The following CDK5RAP2 variants were observed in gnomAD, a reference collection of about 807,000 sequenced individuals.
CDK5RAP2 encodes the protein CDK5 regulatory subunit associated protein 2, also known as CDK5 regulatory subunit-associated protein 2.
In CDK5RAP2, 147 loss-of-function variants were observed where a neutral mutation model predicts 232.9. That is an observed-to-expected ratio of 0.63 (90% CI 0.55 to 0.72). CDK5RAP2 has a LOEUF of 0.72. CDK5RAP2 is among the 30% of genes least tolerant of loss of function. The pLI, the probability that CDK5RAP2 is intolerant of heterozygous loss-of-function variation, is 0.00. For missense variants in CDK5RAP2, 2,195 were observed against 2,231.5 expected, an observed-to-expected ratio of 0.98 and a Z score of 0.33; for synonymous variants, 833 against 833.7, an observed-to-expected ratio of 1.00 and a Z score of 0.01.
Position 120,407,056 on chromosome 9 carries a change from T to G in CDK5RAP2, c.4919A>C (p.Gln1640Pro). 6.2e-7 allele frequency: 1 copy of G among 1,614,148 alleles called. No individual in the cohort carries two copies. Among genetic ancestry groups the G allele is most frequent in the South Asian group, 1.1e-5 (1 of 91,088 alleles). ...AQEGALTLAV[Q>P]AVSIPEVPLQ... ...GGGCACCTCAGGGATGGACACGGCT[T>G]GGACAGCCAGAGTGAGGGCTCCTTC... The change falls in exon 32 of 38, where the codon CAA becomes CCA. Residue 1640 changes from glutamine to proline, a missense_variant. Physicochemically the swap from Gln to Pro is moderately conservative, Grantham distance 76 (BLOSUM62 -1). Coordinates refer to ENST00000349780, the MANE Select transcript of CDK5RAP2 (RefSeq NM_018249.6).
intron 12 of CDK5RAP2, among the ~76,000 whole-genome samples, chr9:120,518,204 TGTGTGTGAGAGA>T (rs1407490575): frequency 3.8e-4 from 41 of 107,346 alleles, no homozygotes; most frequent in African/African-American, 1.3e-3. Flanking sequence ...TGTGTGTGTG[TGTGTGTGAGAGA>T]GAGAGAGAGA....
chr9:120,458,871 TCTC>T (rs1357986473), intron 19 of CDK5RAP2, among the ~76,000 whole-genome samples: 1 of 152,096 alleles, frequency 6.6e-6, no homozygotes, highest in African/African-American at 2.4e-5. Context: ...TTACATCACT[TCTC>T]CTCACCCTGT....
At chr9:120,425,880 A>C (rs771562026) in intron 25 of CDK5RAP2, among the ~76,000 whole-genome samples, 1 of 152,214 alleles carries the variant, frequency 6.6e-6, no homozygotes, top group Admixed American at 6.5e-5. Context: ...AGTTCACCTG[A>C]GTGGAAAGGG....
Position 120,580,101 on chromosome 9 carries a change from TG to T in CDK5RAP2, c.-124del, listed in dbSNP as rs1487545115. On this transcript the variant is annotated 5_prime_UTR_variant, in exon 1 of 38. Coordinates refer to ENST00000349780, the MANE Select transcript of CDK5RAP2 (RefSeq NM_018249.6). ...TCCACCCCAGCTCTTGTTCAGACTCTGGCGGCGCCGCTGGAATTCAAACCAC... is the reference window on the plus strand; with the variant it reads ...TCCACCCCAGCTCTTGTTCAGACTCTGCGGCGCCGCTGGAATTCAAACCAC... The T allele has an allele frequency of 3.3e-6, 2 of 604,660 alleles. No individual in the cohort carries two copies. Among genetic ancestry groups the T allele is most frequent in the African/African-American group, 3.8e-5 (2 of 53,062 alleles). 37.5% of individuals were successfully genotyped at this position (604,660 alleles called of 1,614,324 possible).
chr9:120,561,704 A>G (rs1174460102), intron 3 of CDK5RAP2, among the ~76,000 whole-genome samples: 1 of 152,232 alleles, frequency 6.6e-6, no homozygotes, highest in African/African-American at 2.4e-5. Context: ...TCATGAATAC[A>G]CATTTTTGCA....
rs141829902 is a variant in CDK5RAP2 at position 120,519,120 on chromosome 9, G to A, written c.1093-475C>T. ...AACCCGGAGGCGGAGGTTGCAGTGA[G>A]CCGAGATCGTACCACTGCACTCCAG... On this transcript the variant is annotated intron_variant, in intron 11 of 37. Transcript: ENST00000349780. 7.0e-3 allele frequency among the ~76,000 whole-genome samples: 1,062 copies of A among 151,640 alleles called. 20 individuals carry two copies. Among genetic ancestry groups the A allele is most frequent in the African/African-American group, 0.024 (974 of 41,292 alleles).
At chr9:120,482,193 T>C (rs566020918) in intron 14 of CDK5RAP2, among the ~76,000 whole-genome samples, 1 of 152,206 alleles carries the variant, frequency 6.6e-6, no homozygotes, top group Non-Finnish European at 1.5e-5. Context: ...TATGGATTTC[T>C]GATGGATGGC....
intron 18 of CDK5RAP2, among the ~76,000 whole-genome samples, chr9:120,464,093 T>C (rs2037238546): frequency 6.6e-6 from 1 of 152,108 alleles, no homozygotes; most frequent in Admixed American, 6.5e-5. Context: ...TCATAGGAAG[T>C]TCTCAGTACT....
intron 21 of CDK5RAP2, among the ~76,000 whole-genome samples, chr9:120,449,597 G>C (rs531513605): frequency 6.6e-6 from 1 of 152,170 alleles, no homozygotes; most frequent in African/African-American, 2.4e-5. Context: ...TTCCAACTGG[G>C]GAATTTTAAA....
intron 3 of CDK5RAP2, among the ~76,000 whole-genome samples, chr9:120,562,618 C>T (rs1172435289): frequency 6.6e-6 from 1 of 152,002 alleles, no homozygotes; most frequent in East Asian, 1.9e-4. Context: ...TAAGTTCACC[C>T]TCATTCTCCC....
chr9:120,441,812 G>A (rs753671671), intron 23 of CDK5RAP2, among the ~76,000 whole-genome samples: 55 of 152,270 alleles, frequency 3.6e-4, no homozygotes, highest in Middle Eastern at 6.8e-3. Flanking sequence ...TATACACAAT[G>A]TTATGATAAT....
chr9:120,390,056 C>A (rs964827598), intron 36 of CDK5RAP2: 2 of 466,806 alleles, frequency 4.3e-6, no homozygotes, highest in Non-Finnish European at 8.0e-6. Flanking sequence ...CATGCTATGC[C>A]GGTTCAGAGA....
intron 5 of CDK5RAP2, among the ~76,000 whole-genome samples, chr9:120,541,424 T>G (rs2041628148): frequency 6.6e-6 from 1 of 152,264 alleles, no homozygotes; most frequent in South Asian, 2.1e-4. Context: ...AACTTTTCAT[T>G]TATCATCTTT....
chr9:120,540,867 C>CA (rs2041602668), intron 5 of CDK5RAP2, among the ~76,000 whole-genome samples: 1 of 152,254 alleles, frequency 6.6e-6, no homozygotes, highest in South Asian at 2.1e-4. Flanking sequence ...TGCTGAGCAG[C>CA]ATGCTGTGAG....
intron 12 of CDK5RAP2, among the ~76,000 whole-genome samples, chr9:120,496,721 G>C (rs1223076546): frequency 7.7e-6 from 1 of 129,816 alleles, no homozygotes; most frequent in Non-Finnish European, 1.6e-5. Context: ...CAGCCGCCCC[G>C]TTCGGGAGGG....
At position 120,413,830 on chromosome 9, in the gene CDK5RAP2, A is replaced by AGGAGGGAGGAGGGAAGGAGGAG. The variant is rs1588270174; in HGVS notation, c.4297+1188_4297+1209dup. Among the ~76,000 whole-genome samples the AGGAGGGAGGAGGGAAGGAGGAG allele has an allele frequency of 2.0e-4, 19 of 93,270 alleles. No homozygotes were observed. In the South Asian group the frequency reaches 2.5e-3, roughly 12 times the overall value. 61.2% of individuals were successfully genotyped at this position (93,270 alleles called of 152,430 possible). A position where few individuals can be genotyped will look rare whatever the true frequency, so the allele number is the denominator to read the frequency against. ...AGCGAGGAGGGAGGAGGGAGGAGGG[A>AGGAGGGAGGAGGGAAGGAGGAG]GGAGGGAGGAGGGAAGGAGGAGGGA... On this transcript the variant is annotated intron_variant, in intron 28 of 37. Coordinates refer to ENST00000349780, the MANE Select transcript of CDK5RAP2 (RefSeq NM_018249.6).
At chr9:120,484,177 T>C (rs2038470729) in intron 14 of CDK5RAP2, among the ~76,000 whole-genome samples, 1 of 152,186 alleles carries the variant, frequency 6.6e-6, no homozygotes, top group Admixed American at 6.5e-5. Context: ...AGCCTCAAGT[T>C]CTTTCTAGAA....
chr9:120,537,971 G>A (rs978966550), intron 6 of CDK5RAP2, among the ~76,000 whole-genome samples: 1 of 152,184 alleles, frequency 6.6e-6, no homozygotes, highest in African/African-American at 2.4e-5. Context: ...GCAGAGACCT[G>A]TCACTCCAAC....
chr9:120,429,964 A>G (rs1278366551), intron 25 of CDK5RAP2, among the ~76,000 whole-genome samples: 1 of 152,220 alleles, frequency 6.6e-6, no homozygotes, highest in Non-Finnish European at 1.5e-5. Context: ...CCGCATATCT[A>G]CAACTATCTG....
Sources: allele counts gnomAD v4.1 joint callset (sites outside exome capture counted in the v4.1 genomes callset), GRCh38; gene constraint gnomAD v4.1.1; transcripts MANE v1.5; gene names NCBI Gene and HGNC (gene_info 2026-07-23, HGNC 2026-07-21).